The following HDAC9 variants were observed in gnomAD, a reference collection of about 807,000 sequenced individuals.
The protein encoded by HDAC9 is histone deacetylase 9.
HDAC9 carries 41 observed loss-of-function variants against 139.4 expected under a neutral mutation model. The ratio of observed to expected loss-of-function variants is 0.29; its 90% CI spans 0.23 to 0.38. The LOEUF (loss-of-function observed/expected upper bound fraction) is 0.38. HDAC9 is among the 10% of genes least tolerant of loss of function. The probability of loss-of-function intolerance (pLI) is 1.00; values close to 1 mark genes in which losing one functional copy is unlikely to be tolerated. For synonymous variants in HDAC9, 517 were observed against 476.2 expected (o/e 1.09, Z -1.12); for missense variants, 1,147 against 1,297.0 (o/e 0.88, Z 1.78).
At chr7:18,966,269 C>T (rs1783838437) in intron 24 of HDAC9, among the ~76,000 whole-genome samples, 1 of 152,142 alleles carries the variant, frequency 6.6e-6, no homozygotes, top group South Asian at 2.1e-4. Flanking sequence ...GTAGGGTCCT[C>T]ACGAATACCA....
At chr7:18,904,655 A>G (rs1030450173) in intron 22 of HDAC9, among the ~76,000 whole-genome samples, 2 of 144,176 alleles carry the variant, frequency 1.4e-5, no homozygotes, top group Non-Finnish European at 1.5e-5. Flanking sequence ...CGCTCACTGC[A>G]AGCTCCGCCT....
chr7:18,196,727 G>A (rs1013081860), intron 2 of HDAC9, among the ~76,000 whole-genome samples: 7 of 152,170 alleles, frequency 4.6e-5, no homozygotes, highest in Non-Finnish European at 8.8e-5. Context: ...CACAGCGTAC[G>A]CAGTGATGCC....
intron 2 of HDAC9, among the ~76,000 whole-genome samples, chr7:18,221,115 T>G (rs1031799650): frequency 9.2e-5 from 14 of 151,786 alleles, no homozygotes; most frequent in Non-Finnish European, 1.5e-4. Flanking sequence ...CCTTTTTTTT[T>G]TTTTGTGACG....
At chr7:18,152,279 C>T (rs6978611) in intron 1 of HDAC9, among the ~76,000 whole-genome samples, 29,858 of 152,066 alleles carry the variant, frequency 0.2, 3,130 homozygotes, top group South Asian at 0.34. Context: ...ACTATTAGAG[C>T]CAGCAACTTA....
chr7:18,974,783 A>G (rs1182061458), intron 24 of HDAC9, among the ~76,000 whole-genome samples: 3 of 152,224 alleles, frequency 2.0e-5, no homozygotes, highest in Non-Finnish European at 4.4e-5. Context: ...CCTATTTCAG[A>G]GACAGAAATA....
intron 21 of HDAC9, among the ~76,000 whole-genome samples, chr7:18,861,346 T>C (rs1798093026): frequency 6.6e-6 from 1 of 150,508 alleles, no homozygotes; most frequent in Admixed American, 6.7e-5. Context: ...AGTACAGAGT[T>C]TAACGAAAGC....
At chr7:18,300,777 A>G (rs1798486433) in intron 1 of HDAC9, among the ~76,000 whole-genome samples, 1 of 152,190 alleles carries the variant, frequency 6.6e-6, no homozygotes, top group East Asian at 1.9e-4. Context: ...GCTAGAAAAT[A>G]AATTTTGCAT....
chr7:18,334,086 T>C (rs2128651415), intron 1 of HDAC9, among the ~76,000 whole-genome samples: 1 of 151,436 alleles, frequency 6.6e-6, no homozygotes, highest in South Asian at 2.1e-4. Flanking sequence ...TCAAAATGTT[T>C]TTACCAGTTA....
chr7:18,732,892 T>TATACAG (rs1786378040), intron 13 of HDAC9, among the ~76,000 whole-genome samples: 1 of 66,164 alleles, frequency 1.5e-5, no homozygotes, highest in Non-Finnish European at 3.3e-5. Flanking sequence ...TGCGTATGTG[T>TATACAG]ACACACACAC....
At chr7:18,856,044 A>G (rs1040104546) in intron 21 of HDAC9, among the ~76,000 whole-genome samples, 4 of 152,260 alleles carry the variant, frequency 2.6e-5, no homozygotes, top group Admixed American at 2.0e-4. Context: ...TGCTTTGCAC[A>G]CAGACCCAAC....
intron 22 of HDAC9, among the ~76,000 whole-genome samples, chr7:18,886,164 T>TA (rs34906576): frequency 0.033 from 5,019 of 152,338 alleles, 169 homozygotes; most frequent in African/African-American, 0.088. Context: ...TGTTCGCTCT[T>TA]ACTCTGCATT....
chr7:18,986,827 G>A (rs543691095), intron 25 of HDAC9, among the ~76,000 whole-genome samples: 3 of 152,204 alleles, frequency 2.0e-5, no homozygotes, highest in African/African-American at 7.2e-5. Context: ...TATTCTCTTT[G>A]AAGCAACTGT....
intron 2 of HDAC9, among the ~76,000 whole-genome samples, chr7:18,186,771 A>T (rs1441559203): frequency 6.6e-6 from 1 of 152,262 alleles, no homozygotes; most frequent in Non-Finnish European, 1.5e-5. Context: ...ACAGATGATC[A>T]AATAAGATAA....
intron 12 of HDAC9, among the ~76,000 whole-genome samples, chr7:18,696,086 G>T (rs1021285801): frequency 1.3e-5 from 2 of 151,912 alleles, no homozygotes; most frequent in Non-Finnish European, 2.9e-5. Context: ...AAATGTGATA[G>T]AATGCTCTTG....
intron 21 of HDAC9, among the ~76,000 whole-genome samples, chr7:18,852,465 A>G (rs1167480846): frequency 6.6e-6 from 1 of 152,208 alleles, no homozygotes; most frequent in African/African-American, 2.4e-5. Flanking sequence ...AATCTTGTAC[A>G]ATTACAGAAA....
rs144004478 is a variant in HDAC9 at position 18,643,171 on chromosome 7, A to G, written c.913-1500A>G. Reference sequence around the variant, plus strand: ...TCGTGAAAAGCTTATTATTTGTATGAGTAAAAGAGTAGCTTGCCTTTTTGT... The same window carrying G: ...TCGTGAAAAGCTTATTATTTGTATGGGTAAAAGAGTAGCTTGCCTTTTTGT... On this transcript the variant is annotated intron_variant, in intron 8 of 25. Transcript: ENST00000686413. Among the ~76,000 whole-genome samples, 1,257 of 152,232 alleles carry G rather than the reference A, an allele frequency of 8.3e-3. 15 individuals are homozygous for G. Among genetic ancestry groups the G allele is most frequent in the African/African-American group, 0.029 (1,197 of 41,554 alleles).
intron 1 of HDAC9, among the ~76,000 whole-genome samples, chr7:18,114,781 T>C (rs191921386): frequency 4.3e-4 from 65 of 152,220 alleles, no homozygotes; most frequent in Non-Finnish European, 7.5e-4. Flanking sequence ...CTGATAATAC[T>C]TTTTATATCT....
chr7:18,285,019 A>G (rs1196336745), intron 2 of HDAC9, among the ~76,000 whole-genome samples: 2 of 152,154 alleles, frequency 1.3e-5, no homozygotes, highest in African/African-American at 4.8e-5. Context: ...TTTATCAAGG[A>G]GAAAAATTAA....
intron 16 of HDAC9, among the ~76,000 whole-genome samples, chr7:18,770,567 G>A (rs979534008): frequency 5.3e-5 from 8 of 152,106 alleles, no homozygotes; most frequent in Non-Finnish European, 4.4e-5. Flanking sequence ...AAGCAAGGAC[G>A]AGCAGGCTTT....
Sources: gnomAD v4.1 joint callset for allele counts (sites outside exome capture counted in the v4.1 genomes callset) on GRCh38, gnomAD v4.1.1 for gene constraint, MANE v1.5 for transcripts, NCBI Gene and HGNC (gene_info 2026-07-23, HGNC 2026-07-21) for gene names.